The following ZNF451 variants were observed in gnomAD, a reference collection of about 807,000 sequenced individuals.
ZNF451 encodes the protein zinc finger protein 451.
Under a neutral mutation model 107.1 loss-of-function variants are expected in ZNF451, and 80 were observed. That is an observed-to-expected ratio of 0.75 (90% CI 0.62 to 0.90). The LOEUF (loss-of-function observed/expected upper bound fraction) is 0.90, where lower values mean the gene tolerates loss of function less well. ZNF451 is among the 40% of genes least tolerant of loss of function. The pLI is 0.00. For missense variants in ZNF451, 1,107 were observed against 1,236.2 expected (o/e 0.90, Z 1.57); for synonymous variants, 362 against 406.5 (o/e 0.89, Z 1.32).
In ZNF451 at chr6:57,155,578, C is replaced by T. The variant is rs1763380918; in HGVS notation, c.3070+1531C>T. On this transcript the variant is annotated intron_variant, in intron 13 of 14. Transcript: ENST00000370706. ...AATATCCTATAAGATAAAGTTTTAC[C>T]TTTGCCGCACAAGGCCAACCTCCCT... is the stretch of plus-strand genomic sequence containing the variant. 2.0e-5 allele frequency among the ~76,000 whole-genome samples: 3 copies of T among 152,156 alleles called. No homozygotes were observed. The South Asian group carries it at 6.2e-4, about 31-fold the overall frequency.
chr6:57,102,586 C>G, intron 3 of ZNF451: 1 of 986,892 alleles, frequency 1.0e-6, no homozygotes, highest in Middle Eastern at 5.2e-4. Flanking sequence ...CACAAAATGA[C>G]ACATCTGTTA....
intron 3 of ZNF451, among the ~76,000 whole-genome samples, chr6:57,110,281 G>GTGAATACTGGT (rs1830051553): frequency 6.6e-6 from 1 of 152,196 alleles, no homozygotes; most frequent in Admixed American, 6.5e-5. Flanking sequence ...TAAATTATCT[G>GTGAATACTGGT]TGAATATGTA....
At chr6:57,110,041 C>T (rs1259371539) in intron 3 of ZNF451, among the ~76,000 whole-genome samples, 1 of 152,012 alleles carries the variant, frequency 6.6e-6, no homozygotes, top group Non-Finnish European at 1.5e-5. Context: ...ATAAGAAAAG[C>T]CATATAGAGG....
intron 3 of ZNF451, chr6:57,108,503 A>G: frequency 1.0e-6 from 1 of 985,348 alleles, no homozygotes; most frequent in Non-Finnish European, 1.2e-6. Flanking sequence ...AAGTCACTAA[A>G]CACAGTTTTC....
In ZNF451 at chr6:57,110,966, C is replaced by G. The variant is rs1189556218; in HGVS notation, c.186+11825C>G. On this transcript the variant is annotated intron_variant, in intron 3 of 14. Transcript: ENST00000370706. ...AGACAGTCTCACTCTGGCGCCCAAG[C>G]TGGAGTACAGTGGGGTCATATCGGC... is the stretch of plus-strand genomic sequence containing the variant. 4.6e-5 allele frequency among the ~76,000 whole-genome samples: 7 copies of G among 150,612 alleles called. No homozygotes were observed. In the East Asian group the frequency reaches 1.4e-3, roughly 29 times the overall value.
intron 13 of ZNF451, among the ~76,000 whole-genome samples, chr6:57,157,893 A>G (rs1314440747): frequency 6.6e-6 from 1 of 152,228 alleles, no homozygotes; most frequent in Non-Finnish European, 1.5e-5. Context: ...AATTGAAAAA[A>G]GTTTATTGAA....
chr6:57,155,442 C>T (rs1415465665), intron 13 of ZNF451, among the ~76,000 whole-genome samples: 2 of 152,202 alleles, frequency 1.3e-5, no homozygotes, highest in African/African-American at 4.8e-5. Flanking sequence ...GCTGAGATTG[C>T]ACCATTGCGC....
At position 57,141,454 on chromosome 6, in the gene ZNF451, T is replaced by TTA. The variant is rs773428433; in HGVS notation, c.855_856insTA (p.Asp286Ter). ...ATTTCCATCAGAGTTTCAAACTGGG[T>TTA]GGTATGTTAATACTCTCTTCTGCTG... On this transcript the variant is annotated frameshift_variant and splice_region_variant, in exon 8 of 15. Coordinates refer to ENST00000370706, the MANE Select transcript of ZNF451 (RefSeq NM_001031623.3). LOFTEE classifies it high-confidence loss of function. 6.2e-7 allele frequency: 1 copy of TTA among 1,610,194 alleles called. No homozygotes were observed.
chr6:57,110,723 G>T (rs748839287), intron 3 of ZNF451, among the ~76,000 whole-genome samples: 3 of 152,090 alleles, frequency 2.0e-5, no homozygotes, highest in Admixed American at 6.5e-5. Context: ...ATTGGCATTT[G>T]GAGGTGTTGT....
At chr6:57,147,021 T>A (rs1252966184) in intron 9 of ZNF451, 69 bp from the exon 10 acceptor site, 28 of 1,394,026 alleles carry the variant, frequency 2.0e-5, no homozygotes, top group Non-Finnish European at 2.7e-5. Flanking sequence ...ATTCCTGCAA[T>A]AAAATGCAGC....
At chr6:57,103,597 G>C (rs1829708548) in intron 3 of ZNF451, 5 of 985,382 alleles carry the variant, frequency 5.1e-6, no homozygotes, top group Non-Finnish European at 6.0e-6. Context: ...TGTCAAATTT[G>C]AGGGGTCTGA....
chr6:57,154,525 C>T (rs1763305464), intron 13 of ZNF451: 1 of 165,764 alleles, frequency 6.0e-6, no homozygotes, highest in African/African-American at 2.4e-5. Context: ...GTGGGTACAT[C>T]CTATCTTATT....
chr6:57,126,160 T>C (rs892769752), intron 4 of ZNF451, among the ~76,000 whole-genome samples: 22 of 152,222 alleles, frequency 1.4e-4, no homozygotes, highest in South Asian at 6.2e-4. Flanking sequence ...CCTCCACCCA[T>C]GTAAATGGTC....
intron 4 of ZNF451, among the ~76,000 whole-genome samples, chr6:57,128,396 C>T (rs1028137384): frequency 2.6e-5 from 4 of 152,060 alleles, no homozygotes; most frequent in East Asian, 1.9e-4. Flanking sequence ...TACAGTTTGG[C>T]GACCTACTTG....
At chr6:57,166,987 TA>T (rs1231176953) in intron 14 of ZNF451, among the ~76,000 whole-genome samples, 1 of 152,216 alleles carries the variant, frequency 6.6e-6, no homozygotes, top group African/African-American at 2.4e-5. Flanking sequence ...TTAATCCCTA[TA>T]AGCTCACTGG....
intron 13 of ZNF451, among the ~76,000 whole-genome samples, chr6:57,155,492 A>G (rs1358291980): frequency 1.3e-5 from 2 of 152,216 alleles, no homozygotes; most frequent in African/African-American, 4.8e-5. Context: ...CGTCTCAAAC[A>G]AAAAGCAAAA....
chr6:57,106,044 T>A, intron 3 of ZNF451: 1 of 983,886 alleles, frequency 1.0e-6, no homozygotes, highest in South Asian at 4.7e-5. Context: ...ACTAATAATT[T>A]ACTGAGTGCT....
chr6:57,107,538 T>G (rs1593092362), intron 3 of ZNF451: 1 of 984,080 alleles, frequency 1.0e-6, no homozygotes, highest in Non-Finnish European at 1.2e-6. Context: ...ATATATAGTT[T>G]ATGGTCATAT....
chr6:57,095,093 T>C (rs574517467), intron 2 of ZNF451, among the ~76,000 whole-genome samples: 1 of 152,306 alleles, frequency 6.6e-6, no homozygotes, highest in South Asian at 2.1e-4. Context: ...TGGAAGTTTT[T>C]CCATATTCAC....
Sources: gnomAD v4.1 joint callset for allele counts (sites outside exome capture counted in the v4.1 genomes callset) on GRCh38, gnomAD v4.1.1 for gene constraint, MANE v1.5 for transcripts, NCBI Gene and HGNC (gene_info 2026-07-23, HGNC 2026-07-21) for gene names.